Variants in SHANK2 observed in about 807,000 individuals in gnomAD.
The protein encoded by SHANK2 is SH3 and multiple ankyrin repeat domains 2, also known as SH3 and multiple ankyrin repeat domains protein 2.
Under a neutral mutation model 133.7 loss-of-function variants are expected in SHANK2, and 43 were observed. The ratio of observed to expected loss-of-function variants is 0.32; its 90% CI spans 0.25 to 0.41. The LOEUF is 0.41. Ranked by LOEUF, SHANK2 falls within the 10% of genes least tolerant of loss-of-function variation. The pLI is 1.00. For synonymous variants in SHANK2, 1,017 were observed against 952.8 expected, an observed-to-expected ratio of 1.07 and a Z score of -1.24; for missense variants, 1,994 against 2,235.8, an observed-to-expected ratio of 0.89 and a Z score of 2.18.
chr11:71,111,082 T>A (rs554735591), intron 5 of SHANK2, among the ~76,000 whole-genome samples: 2 of 152,326 alleles, frequency 1.3e-5, no homozygotes, highest in South Asian at 4.1e-4. Flanking sequence ...ACTTGCAGCC[T>A]CCAAAATGGT....
intron 8 of SHANK2, among the ~76,000 whole-genome samples, chr11:71,085,015 C>T (rs1004269631): frequency 7.9e-5 from 12 of 152,128 alleles, no homozygotes; most frequent in African/African-American, 2.2e-4. Context: ...GGGTTTGCTA[C>T]GGGTCCTATA....
At chr11:70,776,228 C>T (rs1947362696) in intron 14 of SHANK2, among the ~76,000 whole-genome samples, 1 of 152,202 alleles carries the variant, frequency 6.6e-6, no homozygotes, top group Non-Finnish European at 1.5e-5. Flanking sequence ...CCCAAGAATC[C>T]AAGACACTGA....
At chr11:71,108,233 A>G (rs1951830379) in intron 6 of SHANK2, among the ~76,000 whole-genome samples, 1 of 152,220 alleles carries the variant, frequency 6.6e-6, no homozygotes, top group African/African-American at 2.4e-5. Context: ...CCATCACTGA[A>G]GAGAAGCTGC....
At chr11:70,636,873 T>G (rs1290833783) in intron 17 of SHANK2, among the ~76,000 whole-genome samples, 2 of 152,100 alleles carry the variant, frequency 1.3e-5, no homozygotes, top group Non-Finnish European at 2.9e-5. Flanking sequence ...TGAACATGTG[T>G]GTGCACATGG....
chr11:71,150,659 T>C (rs12295667), intron 2 of SHANK2, among the ~76,000 whole-genome samples: 55,358 of 151,692 alleles, frequency 0.36, 12,771 homozygotes, highest in African/African-American at 0.66. Context: ...GTCCAGCGCA[T>C]GTTCTTTCTT....
intron 14 of SHANK2, among the ~76,000 whole-genome samples, chr11:70,788,068 A>G (rs1166013930): frequency 6.6e-6 from 1 of 152,212 alleles, no homozygotes; most frequent in South Asian, 2.1e-4. Flanking sequence ...GGCCTGCAGG[A>G]TGGCGGAACA....
At chr11:70,707,044 A>G (rs991769492) in intron 14 of SHANK2, among the ~76,000 whole-genome samples, 2 of 152,072 alleles carry the variant, frequency 1.3e-5, no homozygotes, top group Non-Finnish European at 2.9e-5. Flanking sequence ...ATCTTTAAGG[A>G]TGGGTTGGGA....
intron 14 of SHANK2, among the ~76,000 whole-genome samples, chr11:70,756,136 C>T (rs1323644573): frequency 6.6e-6 from 1 of 152,154 alleles, no homozygotes; most frequent in Non-Finnish European, 1.5e-5. Flanking sequence ...GTGCAGGAGA[C>T]ATCCCCAGCT....
intron 17 of SHANK2, among the ~76,000 whole-genome samples, chr11:70,602,537 C>T (rs901545477): frequency 5.3e-5 from 8 of 152,172 alleles, no homozygotes; most frequent in Admixed American, 3.3e-4. Context: ...AGTGATGGGA[C>T]GGGTCACAAC....
chr11:70,812,376 T>C (rs1213631017), intron 12 of SHANK2, among the ~76,000 whole-genome samples: 2 of 152,248 alleles, frequency 1.3e-5, no homozygotes, highest in African/African-American at 2.4e-5. Context: ...TGTCTTCTTA[T>C]TCACTGTTAA....
chr11:70,742,591 A>C (rs1946552006), intron 14 of SHANK2, among the ~76,000 whole-genome samples: 1 of 151,908 alleles, frequency 6.6e-6, no homozygotes, highest in African/African-American at 2.4e-5. Context: ...GCCACCCCCC[A>C]CCCGGCTCTG....
chr11:71,249,679 G>A (rs782770838), intron 1 of SHANK2, among the ~76,000 whole-genome samples: 6 of 152,168 alleles, frequency 3.9e-5, no homozygotes, highest in African/African-American at 7.2e-5. Context: ...AGTCCTCATC[G>A]GGACTGACGG....
intron 3 of SHANK2, among the ~76,000 whole-genome samples, chr11:71,126,360 G>T (rs191971464): frequency 1.3e-5 from 2 of 151,966 alleles, no homozygotes; most frequent in East Asian, 3.9e-4. Context: ...GAGACCTAAT[G>T]CTCAGAAAAA....
intron 11 of SHANK2, among the ~76,000 whole-genome samples, chr11:70,880,362 C>A (rs368111949): frequency 3.4e-4 from 52 of 152,170 alleles, no homozygotes; most frequent in African/African-American, 1.2e-3. Flanking sequence ...GAAGAGTCTA[C>A]GAAGAAAGTT....
At chr11:70,681,282 C>T (rs1247152381) in intron 15 of SHANK2, among the ~76,000 whole-genome samples, 1 of 152,174 alleles carries the variant, frequency 6.6e-6, no homozygotes, top group Non-Finnish European at 1.5e-5. Context: ...ACAGCTCCTG[C>T]ACAGAGATGT....
intron 11 of SHANK2, chr11:70,865,203 G>A (rs1427392372): frequency 3.3e-5 from 5 of 152,118 alleles, no homozygotes; most frequent in African/African-American, 1.2e-4. Flanking sequence ...GGTTCAAGGG[G>A]TCCTTATGAT....
At chr11:70,712,462 G>C (rs540654592) in intron 14 of SHANK2, among the ~76,000 whole-genome samples, 3 of 152,302 alleles carry the variant, frequency 2.0e-5, no homozygotes, top group South Asian at 4.2e-4. Context: ...AGCACAGCTG[G>C]GCAGGCTGTG....
intron 14 of SHANK2, among the ~76,000 whole-genome samples, chr11:70,780,586 T>TG: frequency 6.6e-6 from 1 of 151,488 alleles, no homozygotes; most frequent in Admixed American, 6.6e-5. Flanking sequence ...ATTTTTTTTT[T>TG]TTTTTCAGAT....
At chr11:71,066,092 G>A (rs1590879359) in intron 9 of SHANK2, among the ~76,000 whole-genome samples, 53 of 19,948 alleles carry the variant, frequency 2.7e-3, no homozygotes, top group East Asian at 6.7e-3. Context: ...GAAGTTGGTG[G>A]GGGGGGTGTG....
Sources: allele counts gnomAD v4.1 joint callset (sites outside exome capture counted in the v4.1 genomes callset), GRCh38; gene constraint gnomAD v4.1.1; transcripts MANE v1.5; gene names NCBI Gene and HGNC (gene_info 2026-07-23, HGNC 2026-07-21).